Variants in ANKRD44 observed in about 807,000 individuals in gnomAD.
ANKRD44 encodes the protein ankyrin repeat domain 44, also known as serine/threonine-protein phosphatase 6 regulatory ankyrin repeat subunit B.
In ANKRD44, 35 loss-of-function variants were observed where a neutral mutation model predicts 116.0. The observed-to-expected ratio is 0.30, with a 90% CI of 0.23 to 0.40. ANKRD44 has a LOEUF of 0.40. Ranked by LOEUF, ANKRD44 falls within the 10% of genes least tolerant of loss-of-function variation. The probability of loss-of-function intolerance (pLI) is 1.00; values close to 1 mark genes in which losing one functional copy is unlikely to be tolerated. For missense variants in ANKRD44, 1,014 were observed against 1,242.6 expected, an observed-to-expected ratio of 0.82 and a Z score of 2.77; for synonymous variants, 435 against 461.8, an observed-to-expected ratio of 0.94 and a Z score of 0.74.
intron 1 of ANKRD44, among the ~76,000 whole-genome samples, chr2:197,281,700 C>A (rs1291489852): frequency 4.6e-5 from 7 of 152,174 alleles, no homozygotes; most frequent in Admixed American, 4.6e-4. Flanking sequence ...ACGTTTACTG[C>A]ATTTCCTCTA....
chr2:197,095,065 T>G (rs1191530730), intron 10 of ANKRD44, among the ~76,000 whole-genome samples: 1 of 152,250 alleles, frequency 6.6e-6, no homozygotes, highest in Non-Finnish European at 1.5e-5. Flanking sequence ...TTTCTCCCAT[T>G]ATTTCTCCAA....
intron 1 of ANKRD44, among the ~76,000 whole-genome samples, chr2:197,279,630 T>C (rs1244764497): frequency 6.6e-6 from 1 of 152,196 alleles, no homozygotes; most frequent in Non-Finnish European, 1.5e-5. Flanking sequence ...TCTCTTCCCT[T>C]GCTGACCTCT....
intron 1 of ANKRD44, among the ~76,000 whole-genome samples, chr2:197,241,427 C>T (rs1254580493): frequency 6.6e-6 from 1 of 152,138 alleles, no homozygotes; most frequent in Non-Finnish European, 1.5e-5. Flanking sequence ...AACTCTTGTT[C>T]ACCAGAACAT....
At position 197,013,482 on chromosome 2, in the gene ANKRD44, A is replaced by G. The variant is rs755224404; in HGVS notation, c.1924+29T>C. ...AAACTTACGAACAAGCCACAAAACT[A>G]GGGTAATCAGGCCCTTGACAAGACC... On this transcript the variant is annotated intron_variant, in intron 18 of 27. Transcript: ENST00000282272. 3.1e-6 allele frequency: 5 copies of G among 1,607,696 alleles called. 1 individual carries two copies. In the South Asian group the frequency reaches 3.3e-5, roughly 11 times the overall value.
intron 25 of ANKRD44, among the ~76,000 whole-genome samples, chr2:196,997,731 G>A (rs978286596): frequency 6.6e-6 from 1 of 151,970 alleles, no homozygotes; most frequent in South Asian, 2.1e-4. Context: ...TTATAGGTAT[G>A]AGCCACTGCT....
chr2:197,199,412 T>C (rs1339256316), intron 1 of ANKRD44: 1 of 152,174 alleles, frequency 6.6e-6, no homozygotes, highest in Non-Finnish European at 1.5e-5. Context: ...GTGCATTTTA[T>C]CTTTGTCTTA....
chr2:197,227,405 G>A (rs2081743084), intron 1 of ANKRD44, among the ~76,000 whole-genome samples: 3 of 152,280 alleles, frequency 2.0e-5, no homozygotes, highest in East Asian at 3.9e-4. Flanking sequence ...CCATTGCATC[G>A]CTGGCCCCTT....
chr2:197,243,681 G>A (rs1416419841), intron 1 of ANKRD44, among the ~76,000 whole-genome samples: 2 of 152,188 alleles, frequency 1.3e-5, no homozygotes, highest in Non-Finnish European at 2.9e-5. Context: ...ATCTGGTGAA[G>A]GCCTGTTCCT....
At chr2:197,036,592 T>G (rs919934565) in intron 16 of ANKRD44, among the ~76,000 whole-genome samples, 32 of 152,160 alleles carry the variant, frequency 2.1e-4, no homozygotes, top group African/African-American at 7.7e-4. Context: ...ACTGAAAGCT[T>G]AGCTACATTA....
intron 25 of ANKRD44, among the ~76,000 whole-genome samples, chr2:196,996,902 CAAAAAAA>C (rs55760106): frequency 8.0e-4 from 71 of 88,966 alleles, no homozygotes; most frequent in African/African-American, 3.0e-3. Context: ...GACTCTGCCT[CAAAAAAA>C]AAAAAAAAAA....
chr2:197,046,374 G>T (rs1046071936), intron 16 of ANKRD44, among the ~76,000 whole-genome samples: 1 of 152,134 alleles, frequency 6.6e-6, no homozygotes, highest in Non-Finnish European at 1.5e-5. Flanking sequence ...AATCTTTCTA[G>T]TAATTTAAAT....
At chr2:197,112,330 G>C (rs1314339575) in intron 8 of ANKRD44, among the ~76,000 whole-genome samples, 1 of 152,086 alleles carries the variant, frequency 6.6e-6, no homozygotes, top group East Asian at 1.9e-4. Flanking sequence ...ACTCCATCTT[G>C]GAAAACAAAT....
At chr2:197,158,633 C>T (rs1254058139) in intron 2 of ANKRD44, among the ~76,000 whole-genome samples, 2 of 152,138 alleles carry the variant, frequency 1.3e-5, no homozygotes, top group Non-Finnish European at 2.9e-5. Flanking sequence ...AATGAACACA[C>T]AGTGTCAGGA....
At chr2:197,025,379 T>C (rs186293769) in intron 16 of ANKRD44, 112 bp from the exon 17 acceptor site, 116 of 711,634 alleles carry the variant, frequency 1.6e-4, no homozygotes, top group African/African-American at 1.2e-3. Flanking sequence ...TTATCAGTAA[T>C]ATAAAAATAT....
At chr2:197,284,240 T>A (rs1241854709) in intron 1 of ANKRD44, among the ~76,000 whole-genome samples, 1 of 152,100 alleles carries the variant, frequency 6.6e-6, no homozygotes, top group African/African-American at 2.4e-5. Context: ...GATGAAGAAA[T>A]GAGGGTCACT....
chr2:197,252,188 C>CA lies in ANKRD44; in HGVS notation c.27+58389dup, dbSNP rs1023847920. ...ACACTAAAACTATTTAATCTTTCAG[C>CA]AAAAAAAAGAACAGGCATTGGTATA... On this transcript the variant is annotated intron_variant, in intron 1 of 27. Coordinates refer to ENST00000282272, the MANE Select transcript of ANKRD44 (RefSeq NM_001195144.2). Among the ~76,000 whole-genome samples, 253 of 151,540 alleles carry CA rather than the reference C, an allele frequency of 1.7e-3. 1 individual carries two copies. The highest frequency in any genetic ancestry group is 4.8e-3 in the African/African-American group (199 of 41,404).
intron 13 of ANKRD44, 39 bp from the exon 14 acceptor site, chr2:197,083,548 A>G (rs1220885165): frequency 6.3e-7 from 1 of 1,591,584 alleles, no homozygotes; most frequent in South Asian, 1.1e-5. Flanking sequence ...CATTCAGTCT[A>G]GAAAACAGGC....
chr2:197,112,475 C>T (rs926624317), intron 8 of ANKRD44, among the ~76,000 whole-genome samples: 8 of 152,008 alleles, frequency 5.3e-5, no homozygotes, highest in East Asian at 1.9e-4. Context: ...TTTGGGAGGC[C>T]GAGGCGGGAG....
intron 9 of ANKRD44, among the ~76,000 whole-genome samples, chr2:197,101,574 C>T (rs983416298): frequency 3.9e-5 from 6 of 151,922 alleles, no homozygotes; most frequent in Admixed American, 1.3e-4. Flanking sequence ...ATGGCTAAAA[C>T]GGTAAATTTT....
Sources: allele counts gnomAD v4.1 joint callset (sites outside exome capture counted in the v4.1 genomes callset), GRCh38; gene constraint gnomAD v4.1.1; transcripts MANE v1.5; gene names NCBI Gene and HGNC (gene_info 2026-07-23, HGNC 2026-07-21).